Variants in MDGA1 observed in about 807,000 individuals in gnomAD.
MDGA1 encodes the protein MAM domain-containing glycosylphosphatidylinositol anchor protein 1.
MDGA1 carries 54 observed loss-of-function variants against 101.5 expected under a neutral mutation model. That is an observed-to-expected ratio of 0.53 (90% confidence interval 0.43 to 0.67). The LOEUF is 0.67. Ranked by LOEUF, MDGA1 falls within the 30% of genes least tolerant of loss-of-function variation. The pLI, the probability that MDGA1 is intolerant of heterozygous loss-of-function variation, is 0.00. For missense variants in MDGA1, 1,083 were observed against 1,323.8 expected (o/e 0.82, Z 2.82); for synonymous variants, 533 against 558.3 (o/e 0.95, Z 0.64).
At position 37,677,446 on chromosome 6, in the gene MDGA1, G is replaced by A. The variant is rs551930464; in HGVS notation, c.68-13340C>T. 5.3e-5 allele frequency among the ~76,000 whole-genome samples: 8 copies of A among 152,268 alleles called. No individual in the cohort carries two copies. The East Asian group carries it at 5.8e-4, about 11-fold the overall frequency. On this transcript the variant is annotated intron_variant, in intron 1 of 16. Transcript: ENST00000434837. ...GAAATTGGCTCCTACCCAAATGCTC[G>A]GCAGCAGAGAAATGGTGACCCGAAC...
intron 1 of MDGA1, among the ~76,000 whole-genome samples, chr6:37,692,005 G>C (rs987475821): frequency 6.6e-6 from 1 of 152,192 alleles, no homozygotes; most frequent in African/African-American, 2.4e-5. Flanking sequence ...CTTTGGCTAC[G>C]GGCAGGTGCC....
Position 37,635,325 on chromosome 6 carries a change from G to A in MDGA1, c.*2043C>T, listed in dbSNP as rs1467903791. ...TGGGCACGAGCGGGAGGTGGCGAAG[G>A]TGGAGGGGGGACTTGGAAGGCTCAG... On this transcript the variant is annotated 3_prime_UTR_variant, in exon 17 of 17. Transcript: ENST00000434837. 2 of 397,740 alleles carry A rather than the reference G, an allele frequency of 5.0e-6. No individual in the cohort carries two copies. The highest frequency in any genetic ancestry group is 8.8e-6 in the Non-Finnish European group (2 of 226,132). The allele number at this position is 397,740 out of a possible 1,614,324, so 24.6% of individuals were successfully genotyped here. A position where few individuals can be genotyped will look rare whatever the true frequency, so the allele number is the denominator to read the frequency against.
At position 37,635,307 on chromosome 6, in the gene MDGA1, G is replaced by A. The variant is rs1372969852; in HGVS notation, c.*2061C>T. 2.5e-6 allele frequency: 1 copy of A among 397,372 alleles called. No homozygotes were observed. Among genetic ancestry groups the A allele is most frequent in the Non-Finnish European group, 4.4e-6 (1 of 225,820 alleles). 24.6% of individuals were successfully genotyped at this position (397,372 alleles called of 1,614,324 possible). ...CACCAGGCTCACTTGTGCTGGGCAC[G>A]AGCGGGAGGTGGCGAAGGTGGAGGG... On this transcript the variant is annotated 3_prime_UTR_variant, in exon 17 of 17. Coordinates refer to ENST00000434837, the MANE Select transcript of MDGA1 (RefSeq NM_153487.4).
chr6:37,648,636 C>T (rs943243307), intron 9 of MDGA1: 35 of 362,560 alleles, frequency 9.7e-5, no homozygotes, highest in Admixed American at 2.2e-4. Flanking sequence ...TTGTCACACG[C>T]CCAGGAAGCG....
rs770983327 is a variant in MDGA1, at chr6:37,637,327, G to A, written c.*41C>T. On this transcript the variant is annotated 3_prime_UTR_variant, in exon 17 of 17. Coordinates refer to ENST00000434837, the MANE Select transcript of MDGA1 (RefSeq NM_153487.4). ...TTTGGTACAATGTGGACACTTTGGT[G>A]TGCCGGGGGCAAGGTTGGGGGGGTG... 6.5e-7 allele frequency: 1 copy of A among 1,533,630 alleles called. No individual in the cohort carries two copies. Among genetic ancestry groups the A allele is most frequent in the South Asian group, 1.1e-5 (1 of 88,536 alleles).
Position 37,693,584 on chromosome 6 carries a change from C to T in MDGA1, c.67+3161G>A, listed in dbSNP as rs956982844. 5.9e-5 allele frequency among the ~76,000 whole-genome samples: 9 copies of T among 152,306 alleles called. No individual in the cohort carries two copies. The East Asian group carries it at 1.5e-3, about 26-fold the overall frequency. Reference sequence around the variant, plus strand: ...AGAGGAATCCCACTGACCTGCGGTCCGACTGCTATGAGAGGAGCAGAAGCC... The same window carrying T: ...AGAGGAATCCCACTGACCTGCGGTCTGACTGCTATGAGAGGAGCAGAAGCC... On this transcript the variant is annotated intron_variant, in intron 1 of 16. Transcript: ENST00000434837.
At chr6:37,695,272 G>A (rs1192315211) in intron 1 of MDGA1, among the ~76,000 whole-genome samples, 1 of 152,198 alleles carries the variant, frequency 6.6e-6, no homozygotes. Flanking sequence ...GGAGAAAGAA[G>A]AAAGTGAAAC....
intron 1 of MDGA1, among the ~76,000 whole-genome samples, chr6:37,690,075 G>A (rs1762277838): frequency 6.6e-6 from 1 of 152,120 alleles, no homozygotes; most frequent in East Asian, 1.9e-4. Flanking sequence ...ACCTTCTACT[G>A]CACTCCCCCT....
At chr6:37,649,922 G>A (rs1761316075) in intron 8 of MDGA1, 187 bp downstream of exon 8, 1 of 750,312 alleles carries the variant, frequency 1.3e-6, no homozygotes, top group Non-Finnish European at 2.3e-6. Flanking sequence ...GATACTTGAT[G>A]AAATGGAGCA....
At chr6:37,668,268 G>A (rs1001995731) in intron 1 of MDGA1, among the ~76,000 whole-genome samples, 10 of 149,338 alleles carry the variant, frequency 6.7e-5, no homozygotes, top group African/African-American at 2.0e-4. Context: ...AAAAAAAGGT[G>A]ATCCAGCTCC....
intron 8 of MDGA1, chr6:37,649,790 A>C: frequency 3.6e-6 from 2 of 559,086 alleles, no homozygotes; most frequent in East Asian, 3.7e-5. Context: ...AATTTTCATC[A>C]TCCTGTTATC....
rs572567670 is a variant in MDGA1, at chr6:37,678,815, C to T, written c.68-14709G>A. On this transcript the variant is annotated intron_variant, in intron 1 of 16. Coordinates refer to ENST00000434837, the MANE Select transcript of MDGA1 (RefSeq NM_153487.4). ...AGCCCGCCCGCCCCCACCTCCATCA[C>T]GCTCAATCCCTTTCCCTGCTATGCA... Among the ~76,000 whole-genome samples the T allele has an allele frequency of 1.4e-4, 22 of 151,850 alleles. No individual in the cohort carries two copies. In the South Asian group the frequency reaches 2.3e-3, roughly 16 times the overall value.
chr6:37,688,968 T>C (rs1421741891), intron 1 of MDGA1, among the ~76,000 whole-genome samples: 2 of 152,166 alleles, frequency 1.3e-5, no homozygotes, highest in Non-Finnish European at 2.9e-5. Context: ...TCACGCAGAA[T>C]CTCAGCCCAG....
intron 2 of MDGA1, 32 bp from the exon 3 acceptor site, chr6:37,658,451 T>G (rs1001092286): frequency 6.3e-7 from 1 of 1,580,470 alleles, no homozygotes; most frequent in Non-Finnish European, 8.6e-7. Flanking sequence ...AGTCAGACTG[T>G]CAGACTCACA....
chr6:37,692,785 C>G (rs1425471864), intron 1 of MDGA1, among the ~76,000 whole-genome samples: 1 of 152,054 alleles, frequency 6.6e-6, no homozygotes, highest in Non-Finnish European at 1.5e-5. Context: ...ACAGCCAGGC[C>G]TAGCCAAGTA....
At chr6:37,647,922 T>C (rs1761252111) in intron 9 of MDGA1, among the ~76,000 whole-genome samples, 1 of 152,092 alleles carries the variant, frequency 6.6e-6, no homozygotes, top group South Asian at 2.1e-4. Flanking sequence ...ACTTAGTCAG[T>C]TGGGTGCTGC....
chr6:37,687,434 TG>T (rs1241486428), intron 1 of MDGA1, among the ~76,000 whole-genome samples: 8 of 145,036 alleles, frequency 5.5e-5, no homozygotes, highest in African/African-American at 2.0e-4. Flanking sequence ...CCGGGCATGG[TG>T]GTGTATGCCT....
chr6:37,669,455 C>G lies in MDGA1; in HGVS notation c.68-5349G>C, dbSNP rs921626539. ...CCCATTGCTGATTTGGTTCCAGGTA[C>G]AGTTTTCCTTCTGAAATGAGTCCTC... On this transcript the variant is annotated intron_variant, in intron 1 of 16. Transcript: ENST00000434837. Among the ~76,000 whole-genome samples, 2 of 152,196 alleles carry G rather than the reference C, an allele frequency of 1.3e-5. 1 individual carries two copies. Among genetic ancestry groups the G allele is most frequent in the South Asian group, 4.1e-4 (2 of 4,832 alleles).
At chr6:37,641,921 T>A (rs965200387) in intron 14 of MDGA1, 20 of 152,198 alleles carry the variant, frequency 1.3e-4, no homozygotes, top group African/African-American at 4.3e-4. Flanking sequence ...TTCTTGTTCA[T>A]CAGTTCAGCT....
Sources: allele counts gnomAD v4.1 joint callset (sites outside exome capture counted in the v4.1 genomes callset), GRCh38; gene constraint gnomAD v4.1.1; transcripts MANE v1.5; gene names NCBI Gene and HGNC (gene_info 2026-07-23, HGNC 2026-07-21).